Variants in GALNT17 observed in about 807,000 individuals in gnomAD.
GALNT17 encodes UDP-GalNAc:polypeptide N-acetylgalactosaminyltransferase-like 3.
A neutral mutation model predicts 63.7 loss-of-function variants in GALNT17; 29 were observed. That is an observed-to-expected ratio of 0.46 (90% CI 0.34 to 0.62). The LOEUF is 0.62. Among genes scored for constraint, GALNT17 ranks in the 20% least tolerant of loss-of-function variants. The pLI is 0.01. For missense variants in GALNT17, 603 were observed against 799.6 expected (o/e 0.75, Z 2.97); for synonymous variants, 305 against 318.3 (o/e 0.96, Z 0.45).
At chr7:71,334,163 G>A (rs746729099) in intron 1 of GALNT17, among the ~76,000 whole-genome samples, 27 of 152,172 alleles carry the variant, frequency 1.8e-4, no homozygotes, top group East Asian at 3.9e-4. Context: ...GACGGTGCTC[G>A]TTCAACCTTT....
chr7:71,369,811 C>CAAAAAAAAAAAAAAAAAAAAAAAAAAAAA (rs763387719), intron 2 of GALNT17, among the ~76,000 whole-genome samples: 1 of 72,138 alleles, frequency 1.4e-5, no homozygotes, highest in Non-Finnish European at 2.9e-5. Context: ...GGCTTTTTGT[C>CAAAAAAAAAAAAAAAAAAAAAAAAAAAAA]AAAAAAAAAA....
intron 6 of GALNT17, among the ~76,000 whole-genome samples, chr7:71,660,855 C>G (rs1016250742): frequency 6.6e-6 from 1 of 152,216 alleles, no homozygotes; most frequent in African/African-American, 2.4e-5. Context: ...TCACTTAGAG[C>G]CAGCCCATGA....
intron 6 of GALNT17, among the ~76,000 whole-genome samples, chr7:71,617,487 A>T (rs1790229993): frequency 6.6e-6 from 1 of 151,316 alleles, no homozygotes; most frequent in Admixed American, 6.6e-5. Flanking sequence ...ACTCCCAGCT[A>T]ATTTTTGTAT....
intron 5 of GALNT17, among the ~76,000 whole-genome samples, chr7:71,451,903 TG>T (rs1169841401): frequency 1.2e-4 from 19 of 152,168 alleles, no homozygotes; most frequent in African/African-American, 4.6e-4. Flanking sequence ...TTTGTTTGTT[TG>T]TTTTTTTAAG....
intron 5 of GALNT17, among the ~76,000 whole-genome samples, chr7:71,536,126 A>T (rs1788798141): frequency 6.6e-6 from 1 of 152,216 alleles, no homozygotes; most frequent in Admixed American, 6.5e-5. Context: ...GTGACTGTTC[A>T]TAGCAAAAAG....
chr7:71,480,852 C>T (rs560858575), intron 5 of GALNT17, among the ~76,000 whole-genome samples: 2 of 152,296 alleles, frequency 1.3e-5, no homozygotes, highest in Non-Finnish European at 2.9e-5. Context: ...TTCATCATTG[C>T]CAAAGTGGCT....
At chr7:71,492,334 G>C (rs1415818471) in intron 5 of GALNT17, among the ~76,000 whole-genome samples, 1 of 152,140 alleles carries the variant, frequency 6.6e-6, no homozygotes, top group Non-Finnish European at 1.5e-5. Context: ...GCATGATTTG[G>C]AATAGTGTTC....
intron 1 of GALNT17, among the ~76,000 whole-genome samples, chr7:71,142,836 GA>G (rs1585834381): frequency 1.3e-5 from 2 of 152,076 alleles, no homozygotes; most frequent in East Asian, 3.9e-4. Context: ...AGCTACTTGG[GA>G]GGCTGAGGCA....
intron 5 of GALNT17, among the ~76,000 whole-genome samples, chr7:71,451,361 A>G (rs548340816): frequency 8.5e-5 from 13 of 152,322 alleles, no homozygotes; most frequent in Admixed American, 3.9e-4. Flanking sequence ...ACTCTGTCGC[A>G]GAAAGTTTTC....
At chr7:71,209,493 C>G (rs947905936) in intron 1 of GALNT17, among the ~76,000 whole-genome samples, 1 of 152,046 alleles carries the variant, frequency 6.6e-6, no homozygotes, top group Admixed American at 6.6e-5. Flanking sequence ...TGGCATGACA[C>G]TTTATTTTTT....
intron 1 of GALNT17, chr7:71,300,298 C>G (rs1294037690): frequency 2.8e-6 from 1 of 355,596 alleles, no homozygotes; most frequent in African/African-American, 2.1e-5. Flanking sequence ...TATCTGGACT[C>G]TGGGCTTGAA....
chr7:71,431,061 T>A (rs1219543169), intron 5 of GALNT17, among the ~76,000 whole-genome samples: 5 of 151,838 alleles, frequency 3.3e-5, no homozygotes, highest in African/African-American at 1.2e-4. Flanking sequence ...AGGGAGGGAA[T>A]TTTTGCCATT....
intron 1 of GALNT17, among the ~76,000 whole-genome samples, chr7:71,222,441 C>T (rs571007722): frequency 1.7e-4 from 26 of 151,536 alleles, no homozygotes; most frequent in Non-Finnish European, 1.0e-4. Context: ...TACAGGTGTC[C>T]GCACCACGCC....
chr7:71,657,154 A>G (rs1347324468), intron 6 of GALNT17, among the ~76,000 whole-genome samples: 1 of 152,178 alleles, frequency 6.6e-6, no homozygotes, highest in African/African-American at 2.4e-5. Flanking sequence ...ACAAGGTGAG[A>G]ACAGCTGCCT....
intron 2 of GALNT17, among the ~76,000 whole-genome samples, chr7:71,361,608 G>T (rs1181373808): frequency 1.3e-5 from 2 of 152,132 alleles, no homozygotes; most frequent in Non-Finnish European, 2.9e-5. Flanking sequence ...CATCTAGTAG[G>T]AGAAGCATAT....
intron 5 of GALNT17, among the ~76,000 whole-genome samples, chr7:71,461,264 A>C (rs190458858): frequency 6.6e-6 from 1 of 152,346 alleles, no homozygotes; most frequent in East Asian, 1.9e-4. Context: ...ATCACTGTGA[A>C]CATTGGAAAT....
chr7:71,405,234 A>T (rs1230283853), intron 3 of GALNT17, among the ~76,000 whole-genome samples: 1 of 152,206 alleles, frequency 6.6e-6, no homozygotes, highest in Non-Finnish European at 1.5e-5. Flanking sequence ...CAGGAATCAG[A>T]GGTAACAATG....
Position 71,144,591 on chromosome 7 carries a change from A to G in GALNT17, c.238+11551A>G, listed in dbSNP as rs532802548. Among the ~76,000 whole-genome samples the G allele has an allele frequency of 2.0e-5, 3 of 152,252 alleles. No individual in the cohort carries two copies. In the East Asian group the frequency reaches 5.8e-4, roughly 30 times the overall value. On this transcript the variant is annotated intron_variant, in intron 1 of 10. Transcript: ENST00000333538. ...AAAGTGTTACAGGACCAATAGGTTC[A>G]TATGCCCACTGCTCAGTAACTGACC...
intron 1 of GALNT17, among the ~76,000 whole-genome samples, chr7:71,173,486 C>A (rs1788581406): frequency 6.6e-6 from 1 of 152,074 alleles, no homozygotes; most frequent in Non-Finnish European, 1.5e-5. Context: ...AAAAGCAAGC[C>A]ACTCAATGGT....
Sources: gnomAD v4.1 joint callset for allele counts (sites outside exome capture counted in the v4.1 genomes callset) on GRCh38, gnomAD v4.1.1 for gene constraint, MANE v1.5 for transcripts, NCBI Gene and HGNC (gene_info 2026-07-23, HGNC 2026-07-21) for gene names.